Variants in PHF2 observed in about 807,000 individuals in gnomAD.
PHF2 encodes the protein PHD finger protein 2, also known as lysine-specific demethylase PHF2.
Under a neutral mutation model 120.5 loss-of-function variants are expected in PHF2, and 27 were observed. The ratio of observed to expected loss-of-function variants is 0.22; its 90% CI spans 0.17 to 0.31. PHF2 has a LOEUF of 0.31. Ranked by LOEUF, PHF2 falls within the 10% of genes least tolerant of loss-of-function variation. The probability of loss-of-function intolerance (pLI) is 1.00; values close to 1 mark genes in which losing one functional copy is unlikely to be tolerated. For missense variants in PHF2, 1,024 were observed against 1,434.8 expected, an observed-to-expected ratio of 0.71 and a Z score of 4.63; for synonymous variants, 568 against 592.5, an observed-to-expected ratio of 0.96 and a Z score of 0.60.
chr9:93,654,508 T>C lies in PHF2; in HGVS notation c.885T>C (p.Phe295=). Residue 295 remains phenylalanine, a synonymous_variant, in exon 7 of 22, where the codon TTT becomes TTC. Transcript: ENST00000359246. ...RSASNHSEMF[F]ADQVDKCYKC... ...CCTCTAACCACAGCGAGATGTTCTT[T>C]GCTGACCAGGTCGACAAATGCTACA... is the stretch of plus-strand genomic sequence containing the variant. 6.2e-7 allele frequency: 1 copy of C among 1,614,140 alleles called. No individual in the cohort carries two copies. Among genetic ancestry groups the C allele is most frequent in the Non-Finnish European group, 8.5e-7 (1 of 1,180,022 alleles).
chr9:93,653,849 C>G (rs1826411312), intron 6 of PHF2, among the ~76,000 whole-genome samples: 2 of 152,294 alleles, frequency 1.3e-5, no homozygotes, highest in African/African-American at 4.8e-5. Context: ...GTGGGCTCCC[C>G]CAGCTGCTAA....
chr9:93,665,893 G>C, intron 15 of PHF2, 29 bp downstream of exon 15: 1 of 1,612,666 alleles, frequency 6.2e-7, no homozygotes, highest in East Asian at 2.2e-5. Flanking sequence ...TTGGGGGAGG[G>C]GTGTGGGAGA....
At chr9:93,666,952 A>G in intron 16 of PHF2, 128 bp from the exon 17 acceptor site, 1 of 475,770 alleles carries the variant, frequency 2.1e-6, no homozygotes, top group Non-Finnish European at 3.3e-6. Flanking sequence ...AAAAATAAAA[A>G]TAAAATAAAT....
At chr9:93,669,011 G>A (rs76045678) in intron 17 of PHF2, among the ~76,000 whole-genome samples, 5,814 of 152,350 alleles carry the variant, frequency 0.038, 364 homozygotes, top group African/African-American at 0.13. Context: ...TTATTGCTGG[G>A]GGAAAAGGAA....
chr9:93,616,996 G>A (rs993460140), intron 1 of PHF2, among the ~76,000 whole-genome samples: 1 of 152,070 alleles, frequency 6.6e-6, no homozygotes, highest in African/African-American at 2.4e-5. Context: ...CAAAAATTAT[G>A]GTTTACATTA....
intron 2 of PHF2, among the ~76,000 whole-genome samples, chr9:93,632,776 A>C (rs1052811568): frequency 6.6e-6 from 1 of 152,210 alleles, no homozygotes; most frequent in African/African-American, 2.4e-5. Context: ...ATGTGTGTGC[A>C]TGCACACATC....
chr9:93,637,488 T>C (rs1418883620), intron 3 of PHF2, among the ~76,000 whole-genome samples: 2 of 152,234 alleles, frequency 1.3e-5, no homozygotes, highest in African/African-American at 2.4e-5. Flanking sequence ...CAGCTGTCTT[T>C]AGCAACTACT....
chr9:93,674,178 C>CCTTG (rs1826866047), intron 18 of PHF2, among the ~76,000 whole-genome samples: 1 of 152,090 alleles, frequency 6.6e-6, no homozygotes, highest in African/African-American at 2.4e-5. Flanking sequence ...TCCTCCTGAA[C>CCTTG]CTTGGGTCCT....
rs139777904 is a variant in PHF2 at position 93,595,503 on chromosome 9, A to G, written c.98+18632A>G. 7.2e-3 allele frequency among the ~76,000 whole-genome samples: 1,103 copies of G among 152,378 alleles called. 19 individuals are homozygous for G. The highest frequency in any genetic ancestry group is 0.025 in the African/African-American group (1,035 of 41,590). The stretch of plus-strand genomic sequence containing the variant: ...GAAGAAATTTAGGATTTGGAGTCAC[A>G]GAAGATATTTCCTAGTTGTCTTCAT... On this transcript the variant is annotated intron_variant, in intron 1 of 21. Coordinates refer to ENST00000359246, the MANE Select transcript of PHF2 (RefSeq NM_005392.4).
rs140313373 is a variant in PHF2, at chr9:93,602,165, A to C, written c.98+25294A>C. On this transcript the variant is annotated intron_variant, in intron 1 of 21. Transcript: ENST00000359246. The stretch of plus-strand genomic sequence containing the variant: ...TCTGAAGGTGGTGGAACTATCGAAC[A>C]AAAGTATGTAAATTCTTCGTTGAGT... Among the ~76,000 whole-genome samples the C allele has an allele frequency of 2.8e-3, 424 of 152,014 alleles. 2 individuals carry two copies. The highest frequency in any genetic ancestry group is 9.7e-3 in the African/African-American group (402 of 41,458).
intron 19 of PHF2, among the ~76,000 whole-genome samples, 162 bp downstream of exon 19, chr9:93,675,184 A>G (rs1826886011): frequency 6.6e-6 from 1 of 152,132 alleles, no homozygotes; most frequent in Admixed American, 6.5e-5. Flanking sequence ...AGCTGCTTGC[A>G]GGAGTGCCGT....
At chr9:93,667,277 A>ACCAGGCAGGCCCAGGGCTGGC in intron 17 of PHF2, 37 bp downstream of exon 17, 1 of 1,591,330 alleles carries the variant, frequency 6.3e-7, no homozygotes, top group Non-Finnish European at 8.5e-7. Flanking sequence ...AAGAGCGGGG[A>ACCAGGCAGGCCCAGGGCTGGC]CCAGGCAGGC....
At position 93,679,468 on chromosome 9, in the gene PHF2, C is replaced by T. The variant is rs8690; in HGVS notation, c.*1792C>T. ...CATGTACATTTCTAACAAAGTTTAT[C>T]GTGGCTATTAAAGTGTTTTATTTCC... On this transcript the variant is annotated 3_prime_UTR_variant, in exon 22 of 22. Coordinates refer to ENST00000359246, the MANE Select transcript of PHF2 (RefSeq NM_005392.4). 0.13 allele frequency: 39,254 copies of T among 306,706 alleles called. 3,002 individuals carry two copies. Among genetic ancestry groups the T allele is most frequent in the Non-Finnish European group, 0.17 (26,317 of 157,592 alleles). The allele number at this position is 306,706 out of a possible 1,614,324, so 19.0% of individuals were successfully genotyped here. A position where few individuals can be genotyped will look rare whatever the true frequency, so the allele number is the denominator to read the frequency against.
intron 17 of PHF2, among the ~76,000 whole-genome samples, chr9:93,668,382 A>T (rs1023543975): frequency 9.9e-5 from 15 of 151,972 alleles, no homozygotes; most frequent in African/African-American, 3.6e-4. Context: ...TCTTTGGGGG[A>T]TGCCTGTCTT....
rs746810340 is a variant in PHF2 at position 93,656,467 on chromosome 9, A to G, written c.1041-22A>G. 1 of 1,548,912 alleles carries G rather than the reference A, an allele frequency of 6.5e-7. No individual in the cohort carries two copies. The highest frequency in any genetic ancestry group is 1.1e-5 in the South Asian group (1 of 89,832). On this transcript the variant is annotated intron_variant, in intron 8 of 21. Coordinates refer to ENST00000359246, the MANE Select transcript of PHF2 (RefSeq NM_005392.4). The surrounding 1 kb of genome is among the most constrained non-coding windows in gnomAD (Gnocchi z 4.1). ...CTGCTTGATGGTCAGTGCACTGAGA[A>G]CTGCTCTTTGGTGGCTTCTAGAGCA... is the stretch of plus-strand genomic sequence containing the variant.
intron 3 of PHF2, among the ~76,000 whole-genome samples, chr9:93,644,758 G>A (rs981077000): frequency 6.6e-6 from 1 of 152,126 alleles, no homozygotes; most frequent in Admixed American, 6.5e-5. Context: ...GGCTGGGGCT[G>A]AGGGCTCTGG....
intron 1 of PHF2, among the ~76,000 whole-genome samples, chr9:93,587,539 G>A (rs1397835483): frequency 4.0e-5 from 6 of 151,594 alleles, no homozygotes; most frequent in African/African-American, 1.5e-4. Flanking sequence ...ATAGTGGATG[G>A]AGGAGCCCCG....
intron 2 of PHF2, 134 bp downstream of exon 2, chr9:93,630,189 C>T (rs1725935570): frequency 1.2e-6 from 1 of 806,746 alleles, no homozygotes; most frequent in Non-Finnish European, 2.1e-6. Flanking sequence ...TGAGTAGTGT[C>T]TAGGCCTGGG....
chr9:93,648,839 G>T (rs1420038384), intron 4 of PHF2, among the ~76,000 whole-genome samples: 1 of 152,090 alleles, frequency 6.6e-6, no homozygotes, highest in Admixed American at 6.5e-5. Flanking sequence ...TGAGGCCTGT[G>T]ACCTGGCCGC....
Sources: gnomAD v4.1 joint callset for allele counts (sites outside exome capture counted in the v4.1 genomes callset) on GRCh38, gnomAD v4.1.1 for gene constraint, Gnocchi (gnomAD v3.1) non-coding constraint, MANE v1.5 for transcripts, NCBI Gene and HGNC (gene_info 2026-07-23, HGNC 2026-07-21) for gene names.